ARHGAP39: variants seen among roughly 807,000 people sequenced by gnomAD.
ARHGAP39 encodes rho GTPase-activating protein 39.
In ARHGAP39, 44 loss-of-function variants were observed where a neutral mutation model predicts 106.9. The ratio of observed to expected loss-of-function variants is 0.41; its 90% CI spans 0.32 to 0.53. The LOEUF (loss-of-function observed/expected upper bound fraction) is 0.53. Ranked by LOEUF, ARHGAP39 falls within the 20% of genes least tolerant of loss-of-function variation. ARHGAP39 has a pLI of 0.21. For missense variants in ARHGAP39, 1,496 were observed against 1,577.3 expected (o/e 0.95, Z 0.87); for synonymous variants, 768 against 693.2 (o/e 1.11, Z -1.69).
In ARHGAP39 at chr8:144,581,086, A is replaced by G; in HGVS notation, c.272T>C (p.Val91Ala). 1 of 1,589,902 alleles carries G rather than the reference A, an allele frequency of 6.3e-7. No individual in the cohort carries two copies. Among genetic ancestry groups the G allele is most frequent in the Non-Finnish European group, 8.6e-7 (1 of 1,169,146 alleles). The change falls in exon 3 of 12, where the codon GTG (valine) becomes GCG (alanine). Residue 91 changes from valine (V) to alanine (A), a missense_variant. Val to Ala is a moderately conservative substitution (Grantham distance 64, BLOSUM62 0). This residue lies in a region of ARHGAP39 where 25 missense variants were observed against 48.0 expected (regional missense o/e 0.52). Coordinates refer to ENST00000377307, the MANE Select transcript of ARHGAP39 (RefSeq NM_025251.3). ...YYYNASTQRT[V>A]WHRPQGCDII... Reference sequence around the variant, plus strand: ...GTCGCAGCCCTGCGGCCGGTGCCACACCGTGCGCTGCGTGCTGGCATTGTA... The same window carrying G: ...GTCGCAGCCCTGCGGCCGGTGCCACGCCGTGCGCTGCGTGCTGGCATTGTA...
chr8:144,598,559 G>A (rs1026551058), intron 2 of ARHGAP39, among the ~76,000 whole-genome samples: 1 of 152,216 alleles, frequency 6.6e-6, no homozygotes, highest in South Asian at 2.1e-4. Flanking sequence ...AGCACAGGCA[G>A]CCTCAGCCTC....
chr8:144,689,299 A>G (rs1464727442), upstream of ARHGAP39, among the ~76,000 whole-genome samples: 1 of 152,092 alleles, frequency 6.6e-6, no homozygotes, highest in Admixed American at 6.5e-5. Flanking sequence ...CACCACTCCC[A>G]GCAGCTCTCG....
At chr8:144,606,077 ACT>A (rs2130947185) in intron 1 of ARHGAP39, among the ~76,000 whole-genome samples, 1 of 152,268 alleles carries the variant, frequency 6.6e-6, no homozygotes, top group South Asian at 2.1e-4. Context: ...CTCCGCCCTC[ACT>A]CTCAGCCCCA....
chr8:144,557,088 G>A (rs1411315439), intron 3 of ARHGAP39, among the ~76,000 whole-genome samples: 1 of 144,336 alleles, frequency 6.9e-6, no homozygotes, highest in Non-Finnish European at 1.5e-5. Context: ...AGTACTCAGA[G>A]GCAAAGGCTG....
chr8:144,594,113 AATACC>A (rs1819509035), intron 2 of ARHGAP39, among the ~76,000 whole-genome samples: 1 of 151,798 alleles, frequency 6.6e-6, no homozygotes, highest in Non-Finnish European at 1.5e-5. Flanking sequence ...AAAAAAGATA[AATACC>A]CCAGTTTAAA....
the ARHGAP39 span, among the ~76,000 whole-genome samples, chr8:144,696,122 C>T: frequency 6.6e-6 from 1 of 152,118 alleles, no homozygotes; most frequent in Non-Finnish European, 1.5e-5. Flanking sequence ...TGCCGCATGT[C>T]TTCATACTTT....
intron 4 of ARHGAP39, among the ~76,000 whole-genome samples, chr8:144,553,273 C>T (rs1233714298): frequency 6.6e-6 from 1 of 152,170 alleles, no homozygotes; most frequent in Non-Finnish European, 1.5e-5. Flanking sequence ...CACTGACTCC[C>T]CAAGGAAGGT....
chr8:144,606,782 G>A (rs952617878), intron 1 of ARHGAP39, among the ~76,000 whole-genome samples: 10 of 152,196 alleles, frequency 6.6e-5, no homozygotes, highest in South Asian at 2.1e-4. Flanking sequence ...ATCCAATCTC[G>A]TACGTAAAAC....
chr8:144,686,981 C>G (rs76312431), upstream of ARHGAP39, among the ~76,000 whole-genome samples: 1 of 59,498 alleles, frequency 1.7e-5, no homozygotes, highest in East Asian at 5.0e-4. Context: ...TTCCCACCCC[C>G]GTGACCACAC....
chr8:144,545,540 A>T lies in ARHGAP39; in HGVS notation c.2230T>A (p.Cys744Ser). The stretch of plus-strand genomic sequence containing the variant: ...ATCTGGATCAGCTTGAAGAGCTCGC[A>T]GGCCTCCTTCTTCACGTGCCGGTCG... ...TSDRHVKKEA[C>S]ELFKLIQMYM... is the part of the protein sequence containing the mutation. The change falls in exon 6 of 12, where the codon TGC (cysteine) becomes AGC (serine). Residue 744 changes from cysteine (C) to serine (S), a missense_variant. By Grantham distance (112) the Cys-to-Ser change is moderately radical. Coordinates refer to ENST00000377307, the MANE Select transcript of ARHGAP39 (RefSeq NM_025251.3). 1 of 1,613,612 alleles carries T rather than the reference A, an allele frequency of 6.2e-7. No individual in the cohort carries two copies. Among genetic ancestry groups the T allele is most frequent in the East Asian group, 2.2e-5 (1 of 44,866 alleles).
At chr8:144,533,375 C>A (rs927522476) in intron 8 of ARHGAP39, 50 bp from the exon 9 acceptor site, 2 of 1,559,348 alleles carry the variant, frequency 1.3e-6, no homozygotes, top group South Asian at 2.2e-5. Flanking sequence ...TCCTCAGGAC[C>A]CCCCGCCACC....
chr8:144,555,442 A>G, intron 4 of ARHGAP39, 118 bp downstream of exon 4: 1 of 925,294 alleles, frequency 1.1e-6, no homozygotes, highest in Non-Finnish European at 1.8e-6. Flanking sequence ...CGGCCTTTCC[A>G]GCTCTGGGTC....
At chr8:144,628,200 G>A (rs2130975070) in intron 1 of ARHGAP39, among the ~76,000 whole-genome samples, 1 of 152,302 alleles carries the variant, frequency 6.6e-6, no homozygotes, top group South Asian at 2.1e-4. Flanking sequence ...TGGTCACCAT[G>A]CAGGGCAGGG....
the ARHGAP39 span, among the ~76,000 whole-genome samples, chr8:144,698,439 GA>G: frequency 6.6e-6 from 1 of 152,170 alleles, no homozygotes; most frequent in African/African-American, 2.4e-5. Flanking sequence ...CTTACAGACA[GA>G]AGGCTTCGTA....
intron 1 of ARHGAP39, among the ~76,000 whole-genome samples, chr8:144,620,580 CAT>C (rs1820778954): frequency 6.6e-6 from 1 of 152,160 alleles, no homozygotes. Flanking sequence ...TCCATGAGAG[CAT>C]GTGTGCCCAC....
At position 144,595,550 on chromosome 8, in the gene ARHGAP39, T is replaced by TA. The variant is rs556401664; in HGVS notation, c.80+9984dup. 1.4e-3 allele frequency among the ~76,000 whole-genome samples: 207 copies of TA among 151,986 alleles called. 1 individual carries two copies. Among genetic ancestry groups the TA allele is most frequent in the African/African-American group, 4.5e-3 (188 of 41,482 alleles). On this transcript the variant is annotated intron_variant, in intron 2 of 11. Transcript: ENST00000377307. ...TGAGCTTTGTGGCATGTGAATTATA[T>TA]AAAAAAAAGGGAGTCTGGCAGGTGA...
At position 144,533,229 on chromosome 8, in the gene ARHGAP39, T is replaced by C. The variant is rs1564833066; in HGVS notation, c.2785A>G (p.Met929Val). 2 of 1,613,140 alleles carry C rather than the reference T, an allele frequency of 1.2e-6. No homozygotes were observed. Among genetic ancestry groups the C allele is most frequent in the Non-Finnish European group, 1.7e-6 (2 of 1,179,986 alleles). Reference sequence around the variant, plus strand: ...CGCTCGGGGTAGCGCTCTCTCTGCATGCCCATGACCTCCTGCAGTGCGCTG... The same window carrying C: ...CGCTCGGGGTAGCGCTCTCTCTGCACGCCCATGACCTCCTGCAGTGCGCTG... ...FGSALQEVMG[M>V]QRERYPERQL... The change falls in exon 9 of 12, where the codon ATG becomes GTG. Residue 929 changes from methionine to valine, a missense_variant. Met to Val is a conservative substitution (Grantham distance 21). Transcript: ENST00000377307.
intron 4 of ARHGAP39, among the ~76,000 whole-genome samples, chr8:144,550,516 C>T (rs1817652459): frequency 6.6e-6 from 1 of 152,248 alleles, no homozygotes; most frequent in Non-Finnish European, 1.5e-5. Flanking sequence ...TGGGGTCTTT[C>T]TGGACAAGGC....
chr8:144,667,450 T>C (rs1193647839), intron 1 of ARHGAP39, among the ~76,000 whole-genome samples: 2 of 151,750 alleles, frequency 1.3e-5, no homozygotes, highest in Non-Finnish European at 2.9e-5. Flanking sequence ...ACCTACCAAC[T>C]ACTGCAGATG....
Sources: gnomAD v4.1 joint callset for allele counts (sites outside exome capture counted in the v4.1 genomes callset) on GRCh38, gnomAD v4.1.1 for gene constraint, gnomAD v4.1.1 regional missense constraint, MANE v1.5 for transcripts, NCBI Gene and HGNC (gene_info 2026-07-23, HGNC 2026-07-21) for gene names.